Variants in CLASP1 observed in about 807,000 individuals in gnomAD.
The protein encoded by CLASP1 is CLIP-associating protein 1.
In CLASP1, 38 loss-of-function variants were observed where a neutral mutation model predicts 192.3. The observed-to-expected ratio is 0.20, with a 90% CI of 0.15 to 0.26. The LOEUF is 0.26. Among genes scored for constraint, CLASP1 ranks in the 10% least tolerant of loss-of-function variants. CLASP1 has a pLI of 1.00. For synonymous variants in CLASP1, 691 were observed against 712.8 expected, an observed-to-expected ratio of 0.97 and a Z score of 0.49; for missense variants, 1,433 against 1,932.5, an observed-to-expected ratio of 0.74 and a Z score of 4.85.
chr2:121,531,063 A>G (rs771727218), intron 2 of CLASP1: 50 of 693,384 alleles, frequency 7.2e-5, no homozygotes, highest in Middle Eastern at 3.7e-4. Flanking sequence ...TCGTAAATAA[A>G]CTAGTACTTT....
At chr2:121,520,295 G>A (rs548229212) in intron 6 of CLASP1, among the ~76,000 whole-genome samples, 4 of 152,294 alleles carry the variant, frequency 2.6e-5, no homozygotes, top group South Asian at 4.1e-4. Flanking sequence ...GAAGGCTTCC[G>A]CCCTAGGGTG....
At chr2:121,478,318 A>C (rs1354754276) in intron 8 of CLASP1, among the ~76,000 whole-genome samples, 1 of 152,098 alleles carries the variant, frequency 6.6e-6, no homozygotes, top group Non-Finnish European at 1.5e-5. Flanking sequence ...GACCACCTAC[A>C]GGCTGGGCAC....
intron 6 of CLASP1, among the ~76,000 whole-genome samples, chr2:121,525,189 A>G (rs1487670661): frequency 1.3e-5 from 2 of 152,146 alleles, no homozygotes; most frequent in South Asian, 2.1e-4. Flanking sequence ...CTGGTTGAGA[A>G]ATAGCATTGA....
chr2:121,384,009 C>T lies in CLASP1; in HGVS notation c.3375-1685G>A, dbSNP rs867559541. The stretch of plus-strand genomic sequence containing the variant: ...CTGGTGAGATATATATATATATATA[C>T]ACACACACACACACACACACACATA... On this transcript the variant is annotated intron_variant, in intron 32 of 39. Transcript: ENST00000263710. 2.9e-3 allele frequency among the ~76,000 whole-genome samples: 355 copies of T among 121,608 alleles called. 2 individuals are homozygous for T. The highest frequency in any genetic ancestry group is 9.5e-3 in the African/African-American group (272 of 28,504). 79.8% of individuals were successfully genotyped at this position (121,608 alleles called of 152,430 possible).
At chr2:121,410,709 A>G (rs1327218730) in intron 24 of CLASP1, 157 bp downstream of exon 25, 3 of 557,088 alleles carry the variant, frequency 5.4e-6, no homozygotes, top group Non-Finnish European at 9.4e-6. Flanking sequence ...TTAAGGGGCA[A>G]ACAATAACAA....
At chr2:121,377,727 C>A in intron 33 of CLASP1, 78 bp from the exon 35 acceptor site, 1 of 979,788 alleles carries the variant, frequency 1.0e-6, no homozygotes. Flanking sequence ...TTACTTCCCA[C>A]AATTTAAAGA....
chr2:121,586,049 C>T (rs538851624), intron 2 of CLASP1, among the ~76,000 whole-genome samples: 1 of 152,292 alleles, frequency 6.6e-6, no homozygotes, highest in South Asian at 2.1e-4. Context: ...TTAAAGATAA[C>T]AGACATGGGC....
At chr2:121,587,107 G>A (rs2061803059) in intron 2 of CLASP1, among the ~76,000 whole-genome samples, 2 of 152,182 alleles carry the variant, frequency 1.3e-5, no homozygotes, top group South Asian at 4.1e-4. Context: ...CGGGCACAGT[G>A]GTGCGAGCCT....
intron 9 of CLASP1, among the ~76,000 whole-genome samples, chr2:121,464,087 T>C (rs1247342401): frequency 1.3e-5 from 2 of 148,904 alleles, no homozygotes; most frequent in Admixed American, 6.8e-5. Context: ...TGAGTGAGCA[T>C]ATGCGGTGTT....
intron 8 of CLASP1, among the ~76,000 whole-genome samples, chr2:121,494,093 G>A (rs1044616479): frequency 6.6e-6 from 1 of 152,176 alleles, no homozygotes; most frequent in African/African-American, 2.4e-5. Context: ...CAATCCCACT[G>A]CTAGGTATGT....
intron 7 of CLASP1, chr2:121,513,035 A>C (rs1158039110): frequency 6.6e-6 from 1 of 152,356 alleles, no homozygotes; most frequent in East Asian, 1.9e-4. Context: ...CTATTCAAGT[A>C]ATCCAGTCAC....
At chr2:121,479,370 T>C (rs1239807047) in intron 8 of CLASP1, among the ~76,000 whole-genome samples, 1 of 152,232 alleles carries the variant, frequency 6.6e-6, no homozygotes, top group African/African-American at 2.4e-5. Flanking sequence ...TAAAAATCCA[T>C]CGTATATTCT....
intron 19 of CLASP1, among the ~76,000 whole-genome samples, chr2:121,442,956 C>T (rs140865302): frequency 6.6e-6 from 1 of 152,300 alleles, no homozygotes; most frequent in African/African-American, 2.4e-5. Flanking sequence ...GCAGACTTTA[C>T]CTAGAAAACC....
chr2:121,440,122 T>A (rs1574858332), intron 19 of CLASP1, among the ~76,000 whole-genome samples: 1 of 148,154 alleles, frequency 6.7e-6, no homozygotes, highest in Admixed American at 6.7e-5. Flanking sequence ...AACTAAGCCC[T>A]CGGGGACAGC....
At chr2:121,604,712 T>C (rs2064208149) in intron 2 of CLASP1, among the ~76,000 whole-genome samples, 1 of 152,142 alleles carries the variant, frequency 6.6e-6, no homozygotes, top group Admixed American at 6.5e-5. Context: ...TTATATCCAG[T>C]GATAAGTGAA....
intron 2 of CLASP1, chr2:121,531,035 A>C (rs145912024): frequency 1.4e-6 from 1 of 699,344 alleles, no homozygotes; most frequent in South Asian, 1.5e-5. Context: ...TAGACTTATC[A>C]GTTCAAACAG....
chr2:121,478,857 AC>A (rs2092183674), intron 8 of CLASP1, among the ~76,000 whole-genome samples: 5 of 75,334 alleles, frequency 6.6e-5, no homozygotes, highest in African/African-American at 4.4e-4. Context: ...ACCACACACC[AC>A]ACCACACACA....
At chr2:121,478,920 A>C (rs2092256200) in intron 8 of CLASP1, among the ~76,000 whole-genome samples, 2 of 36,140 alleles carry the variant, frequency 5.5e-5, no homozygotes, top group South Asian at 1.7e-3. Context: ...CACACCACAC[A>C]CACACCACAC....
In CLASP1 at chr2:121,530,238, G is replaced by T. The variant is rs1375767395; in HGVS notation, c.274+9C>A. The T allele has an allele frequency of 1.9e-6, 3 of 1,545,536 alleles. No individual in the cohort carries two copies. The South Asian group carries it at 3.6e-5, about 18-fold the overall frequency. ...GGGCCGGGTCCGCTCCACAAGTGCC[G>T]CAGCTCACCTGTGCCGATCTGCGCC... On this transcript the variant is annotated intron_variant, in intron 3 of 39. Coordinates refer to ENST00000263710, the Ensembl canonical transcript of CLASP1.
Sources: allele counts gnomAD v4.1 joint callset (sites outside exome capture counted in the v4.1 genomes callset), GRCh38; gene constraint gnomAD v4.1.1; transcripts MANE v1.5; gene names NCBI Gene and HGNC (gene_info 2026-07-23, HGNC 2026-07-21).